The following CFAP57 variants were observed in gnomAD, a reference collection of about 807,000 sequenced individuals.
CFAP57 encodes the protein cilia and flagella associated protein 57, also known as cilia- and flagella-associated protein 57.
Under a neutral mutation model 146.8 loss-of-function variants are expected in CFAP57, and 116 were observed. The ratio of observed to expected loss-of-function variants is 0.79; its 90% CI spans 0.68 to 0.92. The LOEUF (loss-of-function observed/expected upper bound fraction) is 0.92. Ranked by LOEUF, CFAP57 falls within the 40% of genes least tolerant of loss-of-function variation. The pLI is 0.00. For missense variants in CFAP57, 1,377 were observed against 1,527.2 expected (o/e 0.90, Z 1.64); for synonymous variants, 518 against 552.8 (o/e 0.94, Z 0.88).
rs544576145 is a variant in CFAP57, at chr1:43,190,513, G to A, written c.1122+3654G>A. 5.4e-4 allele frequency among the ~76,000 whole-genome samples: 82 copies of A among 152,024 alleles called. 1 individual carries two copies. Among genetic ancestry groups the A allele is most frequent in the African/African-American group, 1.4e-3 (60 of 41,474 alleles). ...TCTCGATCTCCTGATCTTGTGATCC[G>A]CCTGCCTCGGCCTCCTAAAGTGCTG... On this transcript the variant is annotated intron_variant, in intron 6 of 22. Transcript: ENST00000372492.
intron 17 of CFAP57, among the ~76,000 whole-genome samples, chr1:43,224,870 G>A (rs1645185178): frequency 6.6e-6 from 1 of 152,160 alleles, no homozygotes; most frequent in African/African-American, 2.4e-5. Context: ...AGGGAACTAG[G>A]TCTGGCACAG....
At chr1:43,183,492 C>A in intron 3 of CFAP57, 99 bp from the exon 4 acceptor site, 1 of 1,105,772 alleles carries the variant, frequency 9.0e-7, no homozygotes, top group Non-Finnish European at 1.3e-6. Context: ...TGGAGATATT[C>A]TGAGCAGCCT....
chr1:43,251,228 G>C (rs1292668288), intron 22 of CFAP57, among the ~76,000 whole-genome samples: 2 of 152,250 alleles, frequency 1.3e-5, no homozygotes, highest in Non-Finnish European at 2.9e-5. Context: ...TCACTGGGAG[G>C]ACAAGTATTA....
At chr1:43,240,796 G>A (rs2124650760) in intron 21 of CFAP57, among the ~76,000 whole-genome samples, 1 of 152,312 alleles carries the variant, frequency 6.6e-6, no homozygotes, top group Non-Finnish European at 1.5e-5. Context: ...CACTCATGAT[G>A]GAAGGCAAAA....
intron 22 of CFAP57, among the ~76,000 whole-genome samples, chr1:43,245,473 C>T (rs1204193354): frequency 6.6e-6 from 1 of 152,092 alleles, no homozygotes. Context: ...AGAGAGAAGT[C>T]TAATCAATTC....
chr1:43,203,435 CT>C (rs1644220631), intron 9 of CFAP57, among the ~76,000 whole-genome samples: 1 of 151,922 alleles, frequency 6.6e-6, no homozygotes, highest in South Asian at 2.1e-4. Context: ...ATAAGCTAGT[CT>C]TTTTCATGAG....
intron 19 of CFAP57, among the ~76,000 whole-genome samples, chr1:43,233,111 G>A (rs956738979): frequency 5.3e-5 from 8 of 152,204 alleles, no homozygotes; most frequent in African/African-American, 1.9e-4. Flanking sequence ...GCTAATAATG[G>A]AATCTAGGTT....
intron 22 of CFAP57, among the ~76,000 whole-genome samples, chr1:43,251,465 C>T (rs757589448): frequency 5.1e-4 from 78 of 152,182 alleles, no homozygotes; most frequent in Non-Finnish European, 8.5e-4. Flanking sequence ...AGGTCCTTTC[C>T]TGAAGAACGA....
At chr1:43,244,714 C>A (rs1370760377) in intron 22 of CFAP57, among the ~76,000 whole-genome samples, 48 of 151,460 alleles carry the variant, frequency 3.2e-4, no homozygotes, top group Non-Finnish European at 1.0e-4. Context: ...ACCATCCTGG[C>A]CAACACTGTG....
intron 18 of CFAP57, among the ~76,000 whole-genome samples, chr1:43,230,680 T>A (rs1168304867): frequency 3.3e-5 from 5 of 152,186 alleles, no homozygotes; most frequent in Non-Finnish European, 7.3e-5. Context: ...TCCCCTTTTG[T>A]CCTCTAATAC....
intron 22 of CFAP57, among the ~76,000 whole-genome samples, chr1:43,253,312 G>T (rs1339747240): frequency 6.6e-6 from 1 of 152,238 alleles, no homozygotes; most frequent in East Asian, 1.9e-4. Context: ...TACAGCAGTT[G>T]TGGTCAGAGA....
intron 22 of CFAP57, among the ~76,000 whole-genome samples, chr1:43,245,838 A>C (rs376660848): frequency 5.3e-5 from 8 of 152,226 alleles, no homozygotes; most frequent in African/African-American, 1.9e-4. Context: ...GAAAATTTTT[A>C]TACAAAGGAT....
chr1:43,172,668 G>T, intron 1 of CFAP57, 67 bp from the exon 2 acceptor site: 1 of 1,553,080 alleles, frequency 6.4e-7, no homozygotes, highest in Non-Finnish European at 8.8e-7. Flanking sequence ...GGGCGAGTCC[G>T]GGCCGGGGGC....
intron 6 of CFAP57, among the ~76,000 whole-genome samples, chr1:43,192,331 G>A (rs1339835912): frequency 2.0e-5 from 3 of 152,118 alleles, no homozygotes; most frequent in Admixed American, 2.0e-4. Context: ...TGAAAGTGGT[G>A]TATTGCATGG....
intron 21 of CFAP57, among the ~76,000 whole-genome samples, chr1:43,236,435 C>T (rs943769740): frequency 1.3e-5 from 2 of 151,868 alleles, no homozygotes; most frequent in Non-Finnish European, 2.9e-5. Flanking sequence ...ACTCCTCTGC[C>T]AGGAGACCTT....
intron 17 of CFAP57, among the ~76,000 whole-genome samples, chr1:43,225,267 T>G (rs1341529588): frequency 1.3e-5 from 2 of 152,150 alleles, no homozygotes; most frequent in African/African-American, 4.8e-5. Flanking sequence ...ACTCTCCTGC[T>G]CAAAGCCCTC....
At position 43,223,013 on chromosome 1, in the gene CFAP57, C is replaced by A; in HGVS notation, c.2706+16C>A. On this transcript the variant is annotated intron_variant, in intron 16 of 22. Transcript: ENST00000372492. ...GAGGAAGAAGGTAGCAGGCTGTTCT[C>A]CAAGAGACCTAGGGTGGGCGAGGGT... 6.5e-7 allele frequency: 1 copy of A among 1,543,144 alleles called. No individual in the cohort carries two copies.
At chr1:43,215,589 A>G (rs1421191497) in intron 12 of CFAP57, among the ~76,000 whole-genome samples, 173 bp downstream of exon 12, 1 of 152,082 alleles carries the variant, frequency 6.6e-6, no homozygotes, top group Non-Finnish European at 1.5e-5. Flanking sequence ...CCTCATTGCC[A>G]CTGTCCACCC....
intron 11 of CFAP57, chr1:43,211,023 C>T (rs1375767901): frequency 6.6e-6 from 1 of 151,836 alleles, no homozygotes; most frequent in Non-Finnish European, 1.5e-5. Context: ...CTTCCTTACT[C>T]TCTCTTTCTG....
Sources: gnomAD v4.1 joint callset for allele counts (sites outside exome capture counted in the v4.1 genomes callset) on GRCh38, gnomAD v4.1.1 for gene constraint, MANE v1.5 for transcripts, NCBI Gene and HGNC (gene_info 2026-07-23, HGNC 2026-07-21) for gene names.